CNTNAP4: variants seen among roughly 807,000 people sequenced by gnomAD.
CNTNAP4 encodes the protein contactin-associated protein-like 4.
In CNTNAP4, 98 loss-of-function variants were observed where a neutral mutation model predicts 148.4. That is an observed-to-expected ratio of 0.66 (90% CI 0.56 to 0.78). The LOEUF (loss-of-function observed/expected upper bound fraction) is 0.78, where lower values mean the gene tolerates loss of function less well. Among genes scored for constraint, CNTNAP4 ranks in the 30% least tolerant of loss-of-function variants. The pLI, the probability that CNTNAP4 is intolerant of heterozygous loss-of-function variation, is 0.00. For synonymous variants in CNTNAP4, 730 were observed against 565.1 expected, an observed-to-expected ratio of 1.29 and a Z score of -4.14; for missense variants, 1,935 against 1,565.6, an observed-to-expected ratio of 1.24 and a Z score of -3.98.
chr16:76,474,976 A>C (rs2081512529), intron 10 of CNTNAP4, among the ~76,000 whole-genome samples: 1 of 152,184 alleles, frequency 6.6e-6, no homozygotes, highest in Non-Finnish European at 1.5e-5. Context: ...TGAACACGGC[A>C]CCGTTTCTCA....
chr16:76,328,813 T>C (rs2144224944), intron 2 of CNTNAP4, among the ~76,000 whole-genome samples: 1 of 152,182 alleles, frequency 6.6e-6, no homozygotes, highest in African/African-American at 2.4e-5. Context: ...ACCTGGCTAA[T>C]TTTGTATTTT....
chr16:76,487,122 G>A (rs1421321384), intron 12 of CNTNAP4, among the ~76,000 whole-genome samples: 1 of 152,150 alleles, frequency 6.6e-6, no homozygotes, highest in Admixed American at 6.5e-5. Context: ...ACATTATTTA[G>A]CAATTCTATT....
chr16:76,409,032 C>G (rs1347287943), intron 3 of CNTNAP4, among the ~76,000 whole-genome samples: 1 of 151,884 alleles, frequency 6.6e-6, no homozygotes, highest in African/African-American at 2.4e-5. Flanking sequence ...TTTTTCATTA[C>G]TATACATTTG....
At chr16:76,352,637 G>C (rs981439918) in intron 2 of CNTNAP4, among the ~76,000 whole-genome samples, 1 of 152,102 alleles carries the variant, frequency 6.6e-6, no homozygotes, top group Admixed American at 6.5e-5. Context: ...CTTCAACAAA[G>C]TGCCTGACAC....
intron 3 of CNTNAP4, among the ~76,000 whole-genome samples, chr16:76,378,245 T>C (rs1002453002): frequency 6.6e-6 from 1 of 152,098 alleles, no homozygotes; most frequent in Admixed American, 6.6e-5. Flanking sequence ...AATATATCCA[T>C]GTAACAATTT....
intron 15 of CNTNAP4, among the ~76,000 whole-genome samples, chr16:76,499,530 A>T (rs1333660965): frequency 1.3e-5 from 2 of 151,452 alleles, no homozygotes; most frequent in Admixed American, 6.6e-5. Context: ...TCTAGATAAA[A>T]CTCCAAGTTC....
intron 2 of CNTNAP4, among the ~76,000 whole-genome samples, chr16:76,349,018 G>A (rs779209007): frequency 2.6e-5 from 4 of 152,108 alleles, no homozygotes; most frequent in Non-Finnish European, 5.9e-5. Context: ...CGGTGACCGT[G>A]AGAAGGATCA....
At chr16:76,548,581 T>G (rs1372747047) in intron 21 of CNTNAP4, among the ~76,000 whole-genome samples, 1 of 152,052 alleles carries the variant, frequency 6.6e-6, no homozygotes, top group Non-Finnish European at 1.5e-5. Context: ...AGGCCTTTTG[T>G]TAAAAGGTTT....
intron 3 of CNTNAP4, among the ~76,000 whole-genome samples, chr16:76,372,787 G>A (rs992231314): frequency 6.6e-6 from 1 of 152,022 alleles, no homozygotes; most frequent in Non-Finnish European, 1.5e-5. Context: ...TAATACATTG[G>A]CCTGGTTTCG....
At chr16:76,323,839 C>A (rs935734608) in intron 2 of CNTNAP4, among the ~76,000 whole-genome samples, 5 of 152,110 alleles carry the variant, frequency 3.3e-5, no homozygotes, top group African/African-American at 1.2e-4. Flanking sequence ...AGTAGCTAAT[C>A]CTAAGTAATG....
At chr16:76,364,303 C>T (rs1180377308) in intron 3 of CNTNAP4, among the ~76,000 whole-genome samples, 4 of 141,146 alleles carry the variant, frequency 2.8e-5, no homozygotes, top group East Asian at 2.1e-4. Flanking sequence ...TGTAGATACA[C>T]ATAGCAATGT....
chr16:76,429,399 T>TA (rs147389663), intron 4 of CNTNAP4, among the ~76,000 whole-genome samples: 1,616 of 152,268 alleles, frequency 0.011, 25 homozygotes, highest in African/African-American at 0.036. Flanking sequence ...TATCACAGTA[T>TA]AAAAATAGCT....
intron 17 of CNTNAP4, among the ~76,000 whole-genome samples, chr16:76,524,951 T>C (rs1365785905): frequency 6.6e-6 from 1 of 151,786 alleles, no homozygotes; most frequent in Non-Finnish European, 1.5e-5. Flanking sequence ...GTGGTGATAC[T>C]AAGGGAAGGG....
At chr16:76,469,879 A>G (rs2081303989) in intron 10 of CNTNAP4, among the ~76,000 whole-genome samples, 1 of 152,204 alleles carries the variant, frequency 6.6e-6, no homozygotes, top group Non-Finnish European at 1.5e-5. Context: ...TTCCAAGCGT[A>G]TCTGTAAACC....
At chr16:76,542,288 G>T (rs1228229630) in intron 21 of CNTNAP4, among the ~76,000 whole-genome samples, 2 of 152,180 alleles carry the variant, frequency 1.3e-5, no homozygotes. Context: ...AGACTATTCA[G>T]CTCTGGGTAT....
intron 8 of CNTNAP4, among the ~76,000 whole-genome samples, chr16:76,461,575 A>T (rs1319112449): frequency 1.3e-5 from 2 of 152,210 alleles, no homozygotes; most frequent in East Asian, 3.9e-4. Flanking sequence ...TTATCCTACC[A>T]TAAAAAGGTG....
chr16:76,508,880 G>T (rs1156659815), intron 15 of CNTNAP4, among the ~76,000 whole-genome samples: 1 of 92,492 alleles, frequency 1.1e-5, no homozygotes, highest in African/African-American at 2.7e-5. Flanking sequence ...AGCCTCCCGA[G>T]TAGCTGGGAC....
intron 2 of CNTNAP4, among the ~76,000 whole-genome samples, chr16:76,317,501 G>A (rs934034582): frequency 1.3e-5 from 2 of 152,168 alleles, no homozygotes; most frequent in African/African-American, 4.8e-5. Flanking sequence ...ACATGCATTG[G>A]AGGAAAACAC....
chr16:76,438,935 C>T (rs1298109241), intron 4 of CNTNAP4, among the ~76,000 whole-genome samples: 1 of 152,140 alleles, frequency 6.6e-6, no homozygotes, highest in Non-Finnish European at 1.5e-5. Flanking sequence ...TACATTTGTA[C>T]AATTACAACT....
Sources: allele counts gnomAD v4.1 joint callset (sites outside exome capture counted in the v4.1 genomes callset), GRCh38; gene constraint gnomAD v4.1.1; transcripts MANE v1.5; gene names NCBI Gene and HGNC (gene_info 2026-07-23, HGNC 2026-07-21).